The following MRM1 variants were observed in gnomAD, a reference collection of about 807,000 sequenced individuals.
MRM1 encodes rRNA methyltransferase 1, mitochondrial.
In MRM1, 24 loss-of-function variants were observed where a neutral mutation model predicts 25.0. The observed-to-expected ratio is 0.96, with a 90% CI of 0.69 to 1.35. MRM1 has a LOEUF of 1.35. MRM1 is among the 40% of genes most tolerant of loss of function. The pLI is 0.00. For synonymous variants in MRM1, 188 were observed against 199.2 expected, an observed-to-expected ratio of 0.94 and a Z score of 0.47; for missense variants, 431 against 464.1, an observed-to-expected ratio of 0.93 and a Z score of 0.65.
the MRM1 span, among the ~76,000 whole-genome samples, chr17:36,624,611 A>G: frequency 2.6e-5 from 4 of 152,196 alleles, no homozygotes; most frequent in African/African-American, 9.6e-5. The surrounding 1 kb of genome is among the most constrained non-coding windows in gnomAD (Gnocchi z 4.0). Context: ...GATGCTGGAT[A>G]GGACAGGGGC....
chr17:36,622,909 T>C, the MRM1 span, among the ~76,000 whole-genome samples: 3 of 152,274 alleles, frequency 2.0e-5, no homozygotes, highest in East Asian at 5.8e-4. Context: ...TGTGATCTGG[T>C]TGTAGGCCGA....
downstream of MRM1, among the ~76,000 whole-genome samples, chr17:36,613,110 T>A (rs1423566792): frequency 6.6e-6 from 1 of 152,086 alleles, no homozygotes; most frequent in Non-Finnish European, 1.5e-5. Context: ...GACTTGGTAT[T>A]CTCGGAGCAG....
At position 36,602,510 on chromosome 17, in the gene MRM1, TGA is replaced by T. The variant is rs762217348; in HGVS notation, c.543-40_543-39del. 1 of 1,607,592 alleles carries T rather than the reference TGA, an allele frequency of 6.2e-7. No individual in the cohort carries two copies. Among genetic ancestry groups the T allele is most frequent in the South Asian group, 1.1e-5 (1 of 90,930 alleles). ...CCCTGGGAGGGTAGGGAGCCGGGCTTGAGATGGCCCAGCCTAATGCGGGGAAC... is the reference window on the plus strand; with the variant it reads ...CCCTGGGAGGGTAGGGAGCCGGGCTTGATGGCCCAGCCTAATGCGGGGAAC... On this transcript the variant is annotated intron_variant, in intron 1 of 4. Coordinates refer to ENST00000614766, the MANE Select transcript of MRM1 (RefSeq NM_024864.5). The surrounding 1 kb of genome is among the most constrained non-coding windows in gnomAD (Gnocchi z 4.1).
At chr17:36,603,911 C>T (rs62069097) in intron 2 of MRM1, among the ~76,000 whole-genome samples, 1 of 152,070 alleles carries the variant, frequency 6.6e-6, no homozygotes, top group South Asian at 2.1e-4. Context: ...GATGAGGTTC[C>T]CACTCATCAC....
intron 4 of MRM1, 106 bp downstream of exon 4, chr17:36,608,124 A>T: frequency 6.5e-7 from 1 of 1,531,142 alleles, no homozygotes; most frequent in South Asian, 1.2e-5. Flanking sequence ...CAGTTGCTTT[A>T]TGTACAAAAT....
Position 36,601,704 on chromosome 17 carries a change from CGA to C in MRM1, c.-105_-104del. 1 of 1,211,484 alleles carries C rather than the reference CGA, an allele frequency of 8.3e-7. No individual in the cohort carries two copies. The highest frequency in any genetic ancestry group is 1.1e-6 in the Non-Finnish European group (1 of 889,206). 75.0% of individuals were successfully genotyped at this position (1,211,484 alleles called of 1,614,324 possible). A position where few individuals can be genotyped will look rare whatever the true frequency, so the allele number is the denominator to read the frequency against. On this transcript the variant is annotated 5_prime_UTR_variant, in exon 1 of 5. Transcript: ENST00000614766. ...GAGAGAGCTCGGCGGAGACGGCTGT[CGA>C]GTACCCTTCACCTCGGTGTTGGGAG... is the stretch of plus-strand genomic sequence containing the variant.
the MRM1 span, among the ~76,000 whole-genome samples, chr17:36,620,850 A>T: frequency 6.6e-6 from 1 of 152,158 alleles, no homozygotes; most frequent in Non-Finnish European, 1.5e-5. Context: ...ACCCATCCAT[A>T]GGTCTTGGAG....
chr17:36,618,636 G>T, the MRM1 span, among the ~76,000 whole-genome samples: 2 of 152,172 alleles, frequency 1.3e-5, no homozygotes, highest in African/African-American at 4.8e-5. Flanking sequence ...CGGAAATAGA[G>T]GCTGGGTGCC....
At chr17:36,632,428 T>C in the MRM1 span, among the ~76,000 whole-genome samples, 1 of 152,126 alleles carries the variant, frequency 6.6e-6, no homozygotes, top group Admixed American at 6.5e-5. Context: ...TTGGCCAGGC[T>C]GGGTTCAAAT....
chr17:36,614,112 AG>A, the MRM1 span, among the ~76,000 whole-genome samples: 1 of 151,816 alleles, frequency 6.6e-6, no homozygotes. Flanking sequence ...TGATGAAAAG[AG>A]GCTTTTGAAG....
the MRM1 span, among the ~76,000 whole-genome samples, chr17:36,630,376 A>G: frequency 6.6e-6 from 1 of 152,152 alleles, no homozygotes; most frequent in Non-Finnish European, 1.5e-5. Flanking sequence ...TTGGAAATGC[A>G]TGCCTTGGAG....
At position 36,602,246 on chromosome 17, in the gene MRM1, T is replaced by C. The variant is rs2074881823; in HGVS notation, c.436T>C (p.Leu146=). Residue 146 remains leucine (L), a synonymous_variant, in exon 1 of 5, where the codon TTG becomes CTG. Coordinates refer to ENST00000614766, the MANE Select transcript of MRM1 (RefSeq NM_024864.5). The surrounding 1 kb of genome is among the most constrained non-coding windows in gnomAD (Gnocchi z 4.1). ...EASPGDDPQQ[L]WLVLDGIQDP... ...GAGCCCAGGCGACGACCCCCAGCAG[T>C]TGTGGCTCGTCCTCGATGGGATCCA... 1 of 1,608,870 alleles carries C rather than the reference T, an allele frequency of 6.2e-7. No homozygotes were observed. The highest frequency in any genetic ancestry group is 1.1e-5 in the South Asian group (1 of 90,942).
At chr17:36,618,695 G>A in the MRM1 span, among the ~76,000 whole-genome samples, 8 of 152,184 alleles carry the variant, frequency 5.3e-5, no homozygotes, top group African/African-American at 9.7e-5. Context: ...TCCAACCTGC[G>A]CAGCCTCCGT....
chr17:36,613,509 C>T (rs115570860), downstream of MRM1, among the ~76,000 whole-genome samples: 33 of 152,342 alleles, frequency 2.2e-4, no homozygotes, highest in African/African-American at 7.2e-4. Flanking sequence ...TTCTTCAGGC[C>T]TCCTCCCCAG....
intron 2 of MRM1, among the ~76,000 whole-genome samples, chr17:36,605,725 T>C (rs1359249648): frequency 1.3e-5 from 2 of 151,886 alleles, no homozygotes; most frequent in East Asian, 3.9e-4. Flanking sequence ...AGCAACTCCA[T>C]CCCTTTGGTT....
the MRM1 span, among the ~76,000 whole-genome samples, chr17:36,614,084 T>C: frequency 2.6e-5 from 4 of 151,834 alleles, no homozygotes; most frequent in Non-Finnish European, 4.4e-5. Flanking sequence ...ATGATGACGA[T>C]GACAATGATG....
intron 2 of MRM1, among the ~76,000 whole-genome samples, chr17:36,603,955 CAG>C (rs1376086613): frequency 6.6e-6 from 1 of 152,174 alleles, no homozygotes; most frequent in South Asian, 2.1e-4. Flanking sequence ...TCTGAAAACA[CAG>C]AAACACTGCA....
chr17:36,606,915 G>GT lies in MRM1; in HGVS notation c.637-744dup, dbSNP rs1277644878. Among the ~76,000 whole-genome samples, 257 of 137,968 alleles carry GT rather than the reference G, an allele frequency of 1.9e-3. 1 individual carries two copies. The highest frequency in any genetic ancestry group is 0.013 in the Middle Eastern group (3 of 236). 90.5% of individuals were successfully genotyped at this position (137,968 alleles called of 152,430 possible). On this transcript the variant is annotated intron_variant, in intron 2 of 4. Coordinates refer to ENST00000614766, the MANE Select transcript of MRM1 (RefSeq NM_024864.5). ...CGTGAGCTACTGCGCCTGGTTTTTTGTTTTTTTTTTTAATTTGAGATGGAG... is the reference window on the plus strand; with the variant it reads ...CGTGAGCTACTGCGCCTGGTTTTTTGTTTTTTTTTTTTAATTTGAGATGGAG...
At chr17:36,608,181 T>C in intron 4 of MRM1, 62 bp from the exon 5 acceptor site, 1 of 1,528,016 alleles carries the variant, frequency 6.5e-7, no homozygotes, top group Non-Finnish European at 8.8e-7. Context: ...CCTGAATGTC[T>C]AGGTCTCTAA....
Sources: allele counts gnomAD v4.1 joint callset (sites outside exome capture counted in the v4.1 genomes callset), GRCh38; gene constraint gnomAD v4.1.1; non-coding constraint Gnocchi (gnomAD v3.1); transcripts MANE v1.5; gene names NCBI Gene and HGNC (gene_info 2026-07-23, HGNC 2026-07-21).